The following NOL4 variants were observed in gnomAD, a reference collection of about 807,000 sequenced individuals.
The protein encoded by NOL4 is cancer/testis antigen 125.
In NOL4, 17 loss-of-function variants were observed where a neutral mutation model predicts 75.9. That is an observed-to-expected ratio of 0.22 (90% confidence interval 0.15 to 0.34). The LOEUF (loss-of-function observed/expected upper bound fraction) is 0.34, where lower values mean the gene tolerates loss of function less well. NOL4 is among the 10% of genes least tolerant of loss of function. The pLI is 1.00. For synonymous variants in NOL4, 292 were observed against 289.9 expected, an observed-to-expected ratio of 1.01 and a Z score of -0.07; for missense variants, 614 against 793.5, an observed-to-expected ratio of 0.77 and a Z score of 2.72.
Position 34,129,928 on chromosome 18 carries a change from C to A in NOL4, c.357G>T (p.Thr119=), listed in dbSNP as rs766485126. 1 of 1,597,364 alleles carries A rather than the reference C, an allele frequency of 6.3e-7. No homozygotes were observed. Among genetic ancestry groups the A allele is most frequent in the Admixed American group, 1.7e-5 (1 of 58,074 alleles). ...FDIIYSMHVE[T]GPNGEQIRKH... is the part of the protein sequence containing the mutation. The stretch of plus-strand genomic sequence containing the variant: ...TCCGAATTTGTTCTCCATTTGGCCC[C>A]GTTTCCACATGCATCGAATAAATAA... Residue 119 remains threonine, a synonymous_variant, in exon 2 of 11, where the codon ACG becomes ACT. Coordinates refer to ENST00000261592, the MANE Select transcript of NOL4 (RefSeq NM_003787.5).
At chr18:34,085,545 ACTGGT>A (rs921694931) in intron 5 of NOL4, among the ~76,000 whole-genome samples, 1 of 152,166 alleles carries the variant, frequency 6.6e-6, no homozygotes, top group Non-Finnish European at 1.5e-5. Flanking sequence ...CTAAGATGGG[ACTGGT>A]CTCTAGGGTG....
intron 9 of NOL4, among the ~76,000 whole-genome samples, chr18:33,895,708 G>A (rs1231245047): frequency 6.6e-6 from 1 of 151,996 alleles, no homozygotes; most frequent in South Asian, 2.1e-4. Flanking sequence ...TATACTAAAT[G>A]GGAAAACGCT....
chr18:33,916,439 T>C (rs953548503), intron 9 of NOL4, among the ~76,000 whole-genome samples: 1 of 152,146 alleles, frequency 6.6e-6, no homozygotes, highest in Non-Finnish European at 1.5e-5. Flanking sequence ...AGGCGTACTC[T>C]GTCAAAGTCA....
rs543826785 is a variant in NOL4, at chr18:34,013,318, CCTTA to C, written c.1056+5996_1056+5999del. The stretch of plus-strand genomic sequence containing the variant: ...GCCCTCCTCTCCATCCCAACTACCA[CCTTA>C]CTAAGGCAAGTCTTATTCTCTGTTA... On this transcript the variant is annotated intron_variant, in intron 6 of 10. Coordinates refer to ENST00000261592, the MANE Select transcript of NOL4 (RefSeq NM_003787.5). 2.5e-3 allele frequency among the ~76,000 whole-genome samples: 377 copies of C among 151,930 alleles called. 4 individuals are homozygous for C. The highest frequency in any genetic ancestry group is 7.8e-3 in the African/African-American group (322 of 41,478).
At chr18:34,024,389 G>A (rs562116123) in intron 5 of NOL4, among the ~76,000 whole-genome samples, 5 of 150,992 alleles carry the variant, frequency 3.3e-5, no homozygotes, top group Admixed American at 3.3e-4. Flanking sequence ...GTAAAACTAA[G>A]TATTAGGTCC....
At chr18:33,853,118 T>C in intron 10 of NOL4, 83 bp from the exon 11 acceptor site, 1 of 1,144,088 alleles carries the variant, frequency 8.7e-7, no homozygotes. Context: ...AAATTATAGT[T>C]GAATGAATTA....
rs113939972 is a variant in NOL4, at chr18:33,877,826, TTGTGTGTG to T, written c.1723+5410_1723+5417del. On this transcript the variant is annotated intron_variant, in intron 10 of 10. Transcript: ENST00000261592. Reference sequence around the variant, plus strand: ...AGGAATAGGTACCAATGTTGTGTGATTGTGTGTGTGTGTGTGTGTGTGTGTGCGCTATC... The same window carrying T: ...AGGAATAGGTACCAATGTTGTGTGATTGTGTGTGTGTGTGTGTGCGCTATC... Among the ~76,000 whole-genome samples, 9 of 148,230 alleles carry T rather than the reference TTGTGTGTG, an allele frequency of 6.1e-5. No individual in the cohort carries two copies. In the East Asian group the frequency reaches 8.0e-4, roughly 13 times the overall value.
intron 2 of NOL4, among the ~76,000 whole-genome samples, chr18:34,114,346 T>C (rs1011708378): frequency 2.0e-5 from 3 of 152,196 alleles, no homozygotes; most frequent in Non-Finnish European, 2.9e-5. Flanking sequence ...CCCTTGATAG[T>C]GATAAGACAC....
chr18:33,986,026 T>C (rs1463012501), intron 6 of NOL4, among the ~76,000 whole-genome samples: 1 of 152,118 alleles, frequency 6.6e-6, no homozygotes, highest in Non-Finnish European at 1.5e-5. Context: ...ATATGCCATT[T>C]ATGAAAATAA....
chr18:33,904,824 T>G (rs534508613), intron 9 of NOL4, among the ~76,000 whole-genome samples: 4 of 152,280 alleles, frequency 2.6e-5, no homozygotes, highest in Admixed American at 2.6e-4. Flanking sequence ...GATTCTGTAG[T>G]TAACACCCAT....
chr18:34,181,610 A>G (rs530572631), intron 1 of NOL4, among the ~76,000 whole-genome samples: 1 of 151,662 alleles, frequency 6.6e-6, no homozygotes, highest in African/African-American at 2.4e-5. Context: ...TATAAATAAC[A>G]CTATCAAAGA....
intron 8 of NOL4, among the ~76,000 whole-genome samples, chr18:33,943,777 C>CT (rs1402425992): frequency 6.6e-6 from 1 of 151,776 alleles, no homozygotes; most frequent in African/African-American, 2.4e-5. Flanking sequence ...ATATGTTTGC[C>CT]TATGTGTACA....
intron 8 of NOL4, among the ~76,000 whole-genome samples, chr18:33,950,262 A>C (rs1399009619): frequency 1.3e-5 from 2 of 152,024 alleles, no homozygotes; most frequent in Admixed American, 6.6e-5. Context: ...AGTTAAAATT[A>C]AATGTTATAT....
At chr18:34,182,856 G>T (rs892369845) in intron 1 of NOL4, among the ~76,000 whole-genome samples, 2 of 151,620 alleles carry the variant, frequency 1.3e-5, no homozygotes, top group South Asian at 4.2e-4. Context: ...TTAGACATTC[G>T]TTTACCAAAA....
chr18:33,912,390 C>T (rs940469852), intron 9 of NOL4, among the ~76,000 whole-genome samples: 2 of 151,966 alleles, frequency 1.3e-5, no homozygotes, highest in African/African-American at 4.8e-5. Context: ...ATAGATAGGA[C>T]AAATTTTCTA....
intron 9 of NOL4, among the ~76,000 whole-genome samples, chr18:33,937,774 A>C (rs193049381): frequency 2.6e-5 from 4 of 152,242 alleles, no homozygotes; most frequent in African/African-American, 7.2e-5. Context: ...GCAAGAAAAA[A>C]GTAGTTTATA....
chr18:33,999,018 T>C (rs2146205119), intron 6 of NOL4, among the ~76,000 whole-genome samples: 1 of 152,190 alleles, frequency 6.6e-6, no homozygotes, highest in East Asian at 1.9e-4. Flanking sequence ...TAAAGTAGAT[T>C]TTGTACAGTG....
At chr18:33,957,184 A>G in intron 8 of NOL4, 142 bp downstream of exon 8, 1 of 601,310 alleles carries the variant, frequency 1.7e-6, no homozygotes, top group Non-Finnish European at 2.8e-6. Context: ...AGGGGAAAAA[A>G]CAAACGAGCA....
chr18:34,160,084 G>A (rs1033246091), intron 1 of NOL4, among the ~76,000 whole-genome samples: 1 of 152,124 alleles, frequency 6.6e-6, no homozygotes, highest in Non-Finnish European at 1.5e-5. Flanking sequence ...AAACCCAGGC[G>A]GAGAAGGGTG....
Sources: allele counts gnomAD v4.1 joint callset (sites outside exome capture counted in the v4.1 genomes callset), GRCh38; gene constraint gnomAD v4.1.1; transcripts MANE v1.5; gene names NCBI Gene and HGNC (gene_info 2026-07-23, HGNC 2026-07-21).